RNF121: variants seen among roughly 807,000 people sequenced by gnomAD.
RNF121 encodes the protein ring finger protein 121, also known as E3 ubiquitin ligase RNF121.
A neutral mutation model predicts 46.5 loss-of-function variants in RNF121; 21 were observed. The observed-to-expected ratio is 0.45, with a 90% confidence interval of 0.32 to 0.65. The LOEUF is 0.65. RNF121 is among the 30% of genes least tolerant of loss of function. The probability of loss-of-function intolerance (pLI) is 0.04; values close to 1 mark genes in which losing one functional copy is unlikely to be tolerated. For missense variants in RNF121, 346 were observed against 416.0 expected, an observed-to-expected ratio of 0.83 and a Z score of 1.46; for synonymous variants, 139 against 144.7, an observed-to-expected ratio of 0.96 and a Z score of 0.28.
At chr11:71,979,941 C>T (rs933759927) in intron 3 of RNF121, among the ~76,000 whole-genome samples, 4 of 152,208 alleles carry the variant, frequency 2.6e-5, no homozygotes, top group Non-Finnish European at 5.9e-5. Context: ...AGACCAAAAC[C>T]TTCCAGCCCT....
chr11:71,934,320 G>GA (rs1270617518), intron 1 of RNF121, among the ~76,000 whole-genome samples: 1 of 152,252 alleles, frequency 6.6e-6, no homozygotes, highest in African/African-American at 2.4e-5. Flanking sequence ...TATGAGTAGA[G>GA]AAAGAGTGAT....
At chr11:71,994,082 C>T (rs1411800438) in intron 6 of RNF121, among the ~76,000 whole-genome samples, 11 of 152,058 alleles carry the variant, frequency 7.2e-5, no homozygotes, top group African/African-American at 1.7e-4. Context: ...CCTCGTGATC[C>T]GCCCTCCTTG....
At chr11:71,984,856 G>C (rs1477873737) in intron 4 of RNF121, among the ~76,000 whole-genome samples, 1 of 148,264 alleles carries the variant, frequency 6.7e-6, no homozygotes, top group Non-Finnish European at 1.5e-5. Context: ...CAAAGTGCTG[G>C]AATTACAAGT....
At chr11:71,942,772 G>GTATATATATATATATATATAGATATA (rs1201537010) in intron 1 of RNF121, among the ~76,000 whole-genome samples, 1 of 18,968 alleles carries the variant, frequency 5.3e-5, no homozygotes, top group South Asian at 2.4e-3. Context: ...CTATATATCT[G>GTATATATATATATATATATAGATATA]TATATATATA....
rs139684525 is a variant in RNF121, at chr11:71,959,872, G to A, written c.102-878G>A. Among the ~76,000 whole-genome samples the A allele has an allele frequency of 9.3e-4, 141 of 152,262 alleles. 1 individual carries two copies. Among genetic ancestry groups the A allele is most frequent in the East Asian group, 7.7e-3 (40 of 5,188 alleles). ...GCTCATCGTTAACTCCTGACCTCAC[G>A]TGATCCTCCGGCCTCAGCCTCTCAA... is the stretch of plus-strand genomic sequence containing the variant. On this transcript the variant is annotated intron_variant, in intron 2 of 8. Transcript: ENST00000361756.
chr11:71,968,695 T>C (rs1954346919), intron 3 of RNF121, among the ~76,000 whole-genome samples: 1 of 152,190 alleles, frequency 6.6e-6, no homozygotes, highest in South Asian at 2.1e-4. Flanking sequence ...CAGTAGATAT[T>C]CGTTGATCCT....
intron 6 of RNF121, among the ~76,000 whole-genome samples, chr11:71,991,947 A>C (rs1365798623): frequency 6.6e-6 from 1 of 151,594 alleles, no homozygotes; most frequent in Non-Finnish European, 1.5e-5. Context: ...TCTACAAAAA[A>C]ATGAGACAAA....
At chr11:71,986,383 A>G (rs1182571792) in intron 4 of RNF121, among the ~76,000 whole-genome samples, 1 of 152,152 alleles carries the variant, frequency 6.6e-6, no homozygotes, top group Non-Finnish European at 1.5e-5. Context: ...TCCTCATTTG[A>G]GGTGACATAG....
At chr11:71,971,987 A>G (rs541101109) in intron 3 of RNF121, among the ~76,000 whole-genome samples, 5 of 152,316 alleles carry the variant, frequency 3.3e-5, no homozygotes, top group South Asian at 2.1e-4. Flanking sequence ...CTGGATATCT[A>G]TCTCTGAGGG....
chr11:71,995,892 C>T (rs777742417), intron 8 of RNF121, among the ~76,000 whole-genome samples: 15 of 152,182 alleles, frequency 9.9e-5, no homozygotes, highest in Non-Finnish European at 1.5e-4. Context: ...TAGGATTTAT[C>T]TCTATACCTC....
intron 3 of RNF121, among the ~76,000 whole-genome samples, chr11:71,981,680 T>C (rs1554990982): frequency 6.6e-6 from 1 of 152,190 alleles, no homozygotes; most frequent in Non-Finnish European, 1.5e-5. Flanking sequence ...GAGGGAAGGC[T>C]CTGAAGGAGG....
intron 1 of RNF121, among the ~76,000 whole-genome samples, chr11:71,955,736 G>T (rs1953976008): frequency 6.6e-6 from 1 of 152,138 alleles, no homozygotes; most frequent in East Asian, 1.9e-4. Context: ...AAGAGTTTTG[G>T]CATGTAGCTT....
At chr11:71,953,036 T>C (rs1372899094) in intron 1 of RNF121, among the ~76,000 whole-genome samples, 5 of 152,042 alleles carry the variant, frequency 3.3e-5, no homozygotes, top group Admixed American at 6.5e-5. Context: ...AATAGTACAT[T>C]TTATTTATTT....
At chr11:71,978,676 C>A (rs980278244) in intron 3 of RNF121, among the ~76,000 whole-genome samples, 1 of 152,172 alleles carries the variant, frequency 6.6e-6, no homozygotes, top group African/African-American at 2.4e-5. Flanking sequence ...ACTATTATAT[C>A]AAATGCTTGT....
intron 3 of RNF121, among the ~76,000 whole-genome samples, chr11:71,963,313 T>A (rs372969078): frequency 1.3e-5 from 2 of 152,178 alleles, no homozygotes; most frequent in African/African-American, 4.8e-5. Flanking sequence ...ATTACTCTTA[T>A]GTTTTCTTTG....
intron 1 of RNF121, among the ~76,000 whole-genome samples, chr11:71,938,227 C>T (rs1360058095): frequency 6.6e-6 from 1 of 151,636 alleles, no homozygotes; most frequent in Non-Finnish European, 1.5e-5. Context: ...GTCTTTTCTC[C>T]TATTTTAGTA....
chr11:71,980,423 C>T (rs568614005), intron 3 of RNF121, among the ~76,000 whole-genome samples: 20 of 152,120 alleles, frequency 1.3e-4, no homozygotes, highest in South Asian at 4.1e-4. Context: ...CTCAGCTTGC[C>T]GCAACCTCCA....
intron 1 of RNF121, among the ~76,000 whole-genome samples, chr11:71,929,973 C>T (rs2134136775): frequency 6.6e-6 from 1 of 152,288 alleles, no homozygotes; most frequent in South Asian, 2.1e-4. Context: ...TTATGAGTTC[C>T]TTGAAGGTGA....
intron 3 of RNF121, among the ~76,000 whole-genome samples, chr11:71,965,569 T>A (rs904447975): frequency 1.3e-5 from 2 of 152,120 alleles, no homozygotes; most frequent in Admixed American, 1.3e-4. Flanking sequence ...GGAAAATAGA[T>A]CTCAAATAAA....
Sources: gnomAD v4.1 joint callset for allele counts (sites outside exome capture counted in the v4.1 genomes callset) on GRCh38, gnomAD v4.1.1 for gene constraint, MANE v1.5 for transcripts, NCBI Gene and HGNC (gene_info 2026-07-23, HGNC 2026-07-21) for gene names.